The following DONSON variants were observed in gnomAD, a reference collection of about 807,000 sequenced individuals.
DONSON encodes protein downstream neighbor of Son.
In DONSON, 43 loss-of-function variants were observed where a neutral mutation model predicts 62.1. That is an observed-to-expected ratio of 0.69 (90% confidence interval 0.54 to 0.89). The LOEUF (loss-of-function observed/expected upper bound fraction) is 0.89, where lower values mean the gene tolerates loss of function less well. DONSON is among the 40% of genes least tolerant of loss of function. The pLI is 0.00. For synonymous variants in DONSON, 266 were observed against 264.6 expected (o/e 1.01, Z -0.05); for missense variants, 696 against 697.5 (o/e 1.00, Z 0.03).
intron 3 of DONSON, among the ~76,000 whole-genome samples, chr21:33,585,655 C>T (rs1350200529): frequency 6.6e-6 from 1 of 152,060 alleles, no homozygotes; most frequent in Non-Finnish European, 1.5e-5. Context: ...TGCAATCCCA[C>T]CCAATTGCTT....
rs764959235 is a variant in DONSON at position 33,578,405 on chromosome 21, G to A, written c.1603C>T (p.Pro535Ser). 2.5e-6 allele frequency: 4 copies of A among 1,613,734 alleles called. No individual in the cohort carries two copies. The highest frequency in any genetic ancestry group is 1.3e-5 in the African/African-American group (1 of 74,874). ...HKELTNCGLH[P>S]NTLEQLSQIP... ...TGACTAAGTTGCTCCAGAGTGTTAG[G>A]GTGCAAACCACAGTTAGTAAGCTCC... The change falls in exon 10 of 10, where the codon CCT becomes TCT. Residue 535 changes from proline to serine, a missense_variant. Pro to Ser is a moderately conservative substitution (Grantham distance 74). Coordinates refer to ENST00000303071, the MANE Select transcript of DONSON (RefSeq NM_017613.4).
intron 2 of DONSON, chr21:33,587,202 T>G (rs2086587004): frequency 3.8e-6 from 1 of 260,670 alleles, no homozygotes; most frequent in African/African-American, 2.3e-5. Flanking sequence ...GGGCTGGCTC[T>G]GAGTGATGAA....
intron 3 of DONSON, among the ~76,000 whole-genome samples, chr21:33,585,171 T>C (rs543845870): frequency 6.6e-6 from 1 of 152,260 alleles, no homozygotes; most frequent in Non-Finnish European, 1.5e-5. Flanking sequence ...TGAAAAGATG[T>C]ATAATATACC....
rs1360137093 is a variant in DONSON at position 33,586,738 on chromosome 21, G to A, written c.403-557C>T. ...CAACCTCTGCCGCCTAGGATCAAGC[G>A]ATTCTCGTGCCTCGTCCTCCCGAGT... On this transcript the variant is annotated intron_variant, in intron 2 of 9. Coordinates refer to ENST00000303071, the MANE Select transcript of DONSON (RefSeq NM_017613.4). Among the ~76,000 whole-genome samples, 6 of 152,054 alleles carry A rather than the reference G, an allele frequency of 3.9e-5. No individual in the cohort carries two copies. The East Asian group carries it at 9.7e-4, about 25-fold the overall frequency.
Position 33,578,193 on chromosome 21 carries a change from A to C in DONSON, c.*114T>G, listed in dbSNP as rs967762213. 4.4e-6 allele frequency: 5 copies of C among 1,124,524 alleles called. No individual in the cohort carries two copies. In the African/African-American group the frequency reaches 7.8e-5, roughly 18 times the overall value. 69.7% of individuals were successfully genotyped at this position (1,124,524 alleles called of 1,614,324 possible). ...CATTTAAAACCTTAGATGCTACTGTAGTAAAAGTTATGTTTATAAACATTT... is the reference window on the plus strand; with the variant it reads ...CATTTAAAACCTTAGATGCTACTGTCGTAAAAGTTATGTTTATAAACATTT... On this transcript the variant is annotated 3_prime_UTR_variant, in exon 10 of 10. Transcript: ENST00000303071.
intron 5 of DONSON, among the ~76,000 whole-genome samples, chr21:33,582,953 G>C (rs541539137): frequency 1.3e-5 from 2 of 152,156 alleles, no homozygotes; most frequent in South Asian, 4.1e-4. Flanking sequence ...TGTAAGCCCA[G>C]CACTTTGGGA....
chr21:33,581,820 A>C (rs1304410219), intron 7 of DONSON, 131 bp downstream of exon 7: 1 of 827,206 alleles, frequency 1.2e-6, no homozygotes, highest in Non-Finnish European at 1.9e-6. Context: ...TTAGTATTAC[A>C]ATGGAGAATT....
In DONSON at chr21:33,578,116, T is replaced by C. The variant is rs146333314; in HGVS notation, c.*191A>G. 4.6e-4 allele frequency: 256 copies of C among 560,506 alleles called. No homozygotes were observed. The highest frequency in any genetic ancestry group is 3.3e-3 in the African/African-American group (173 of 53,036). 34.7% of individuals were successfully genotyped at this position (560,506 alleles called of 1,614,324 possible). On this transcript the variant is annotated 3_prime_UTR_variant, in exon 10 of 10. Transcript: ENST00000303071. ...GGATATAGATATCTCATTTGAGTTA[T>C]CTGAGTTTTTCATCTTTATATCTAA...
chr21:33,577,680 CACACACACACACACACACA>C lies in DONSON; in HGVS notation c.*608_*626del, dbSNP rs1569073183. 1.0e-4 allele frequency: 11 copies of C among 104,900 alleles called. No individual in the cohort carries two copies. The highest frequency in any genetic ancestry group is 3.9e-4 in the African/African-American group (9 of 23,346). 6.5% of individuals were successfully genotyped at this position (104,900 alleles called of 1,614,324 possible). The stretch of plus-strand genomic sequence containing the variant: ...ACACACACACACACACACACACACA[CACACACACACACACACACA>C]CACCCCTATAAGCACATTAAATACT... On this transcript the variant is annotated 3_prime_UTR_variant, in exon 10 of 10. Transcript: ENST00000303071.
rs779065471 is a variant in DONSON, at chr21:33,578,486, C to G, written c.1564-42G>C. On this transcript the variant is annotated intron_variant, in intron 9 of 9. Transcript: ENST00000303071. Reference sequence around the variant, plus strand: ...ACAAGTCAGTAAAAAGCACATTAGTCTTTAAACACAGAAGAGTTAAATAAT... The same window carrying G: ...ACAAGTCAGTAAAAAGCACATTAGTGTTTAAACACAGAAGAGTTAAATAAT... 9 of 1,566,346 alleles carry G rather than the reference C, an allele frequency of 5.7e-6. No homozygotes were observed. The Admixed American group carries it at 1.6e-4, about 28-fold the overall frequency.
chr21:33,580,874 C>T (rs1427305640), intron 8 of DONSON, among the ~76,000 whole-genome samples: 2 of 151,612 alleles, frequency 1.3e-5, no homozygotes, highest in Non-Finnish European at 2.9e-5. Flanking sequence ...AGTGGGACTC[C>T]CTCTTAAAAC....
chr21:33,583,028 C>T (rs1368631756), intron 5 of DONSON, among the ~76,000 whole-genome samples: 3 of 151,392 alleles, frequency 2.0e-5, no homozygotes, highest in East Asian at 1.9e-4. Context: ...GGTGAAACCC[C>T]GTCTCTACTA....
At chr21:33,582,977 G>A (rs530201992) in intron 5 of DONSON, among the ~76,000 whole-genome samples, 11 of 152,012 alleles carry the variant, frequency 7.2e-5, no homozygotes, top group Non-Finnish European at 1.0e-4. Flanking sequence ...CGAGGCGGGC[G>A]GATCACGAGG....
At chr21:33,583,451 A>G (rs1305440662) in intron 5 of DONSON, 37 bp downstream of exon 5, 2 of 1,576,820 alleles carry the variant, frequency 1.3e-6, no homozygotes, top group Non-Finnish European at 1.7e-6. Flanking sequence ...GGTTTACTAT[A>G]TAGTATAGTA....
chr21:33,587,780 C>A (rs1257167696), intron 1 of DONSON, among the ~76,000 whole-genome samples, 178 bp from the exon 2 acceptor site: 2 of 152,142 alleles, frequency 1.3e-5, no homozygotes, highest in Non-Finnish European at 2.9e-5. Context: ...ACTTTAGTAT[C>A]AAAATTGAGG....
Position 33,579,416 on chromosome 21 carries a change from T to C in DONSON, c.1497A>G (p.Val499=), listed in dbSNP as rs896634481. The change falls in exon 9 of 10, where the codon GTA becomes GTG. Residue 499 remains valine, a synonymous_variant. Coordinates refer to ENST00000303071, the MANE Select transcript of DONSON (RefSeq NM_017613.4). ...KSSQSGSFSA[V]LYPHEPTAVF... is the part of the protein sequence containing the mutation. Reference sequence around the variant, plus strand: ...CAGCAGTTGGCTCGTGTGGATACAGTACTGCAGAGAAAGATCCACTCTGTG... The same window carrying C: ...CAGCAGTTGGCTCGTGTGGATACAGCACTGCAGAGAAAGATCCACTCTGTG... 1 of 1,614,176 alleles carries C rather than the reference T, an allele frequency of 6.2e-7. No homozygotes were observed. The highest frequency in any genetic ancestry group is 8.5e-7 in the Non-Finnish European group (1 of 1,180,014).
chr21:33,586,983 C>T (rs2086584530), intron 2 of DONSON, among the ~76,000 whole-genome samples: 1 of 152,164 alleles, frequency 6.6e-6, no homozygotes, highest in African/African-American at 2.4e-5. Flanking sequence ...GAAGGGGGAA[C>T]TATCTTGGAT....
chr21:33,587,595 T>G lies in DONSON; in HGVS notation c.329A>C (p.Asp110Ala). The G allele has an allele frequency of 6.3e-7, 1 of 1,587,716 alleles. No homozygotes were observed. The highest frequency in any genetic ancestry group is 8.5e-7 in the Non-Finnish European group (1 of 1,169,950). The stretch of plus-strand genomic sequence containing the variant: ...TAGCAAATCATTTTCTTGATTAGAA[T>G]CTAAAAACTGAGGTTAAATATATTC... ...EQPEAPVPFLDSNQENDLLWE... is the reference protein window; with the variant it reads ...EQPEAPVPFLASNQENDLLWE... Residue 110 changes from aspartate (D) to alanine (A), a missense_variant, in exon 2 of 10, where the codon GAT becomes GCT. Coordinates refer to ENST00000303071, the MANE Select transcript of DONSON (RefSeq NM_017613.4).
chr21:33,584,155 C>T (rs2086551610), intron 4 of DONSON, among the ~76,000 whole-genome samples: 1 of 150,720 alleles, frequency 6.6e-6, no homozygotes, highest in Admixed American at 6.6e-5. Flanking sequence ...TGCCATTCTC[C>T]TGCCTCAGCC....
Sources: allele counts gnomAD v4.1 joint callset (sites outside exome capture counted in the v4.1 genomes callset), GRCh38; gene constraint gnomAD v4.1.1; transcripts MANE v1.5; gene names NCBI Gene and HGNC (gene_info 2026-07-23, HGNC 2026-07-21).